The following SYNE1 variants were observed in gnomAD, a reference collection of about 807,000 sequenced individuals.
The protein encoded by SYNE1 is spectrin repeat containing nuclear envelope protein 1, also known as nesprin-1.
A neutral mutation model predicts 1,111.0 loss-of-function variants in SYNE1; 616 were observed. That is an observed-to-expected ratio of 0.55 (90% confidence interval 0.52 to 0.59). SYNE1 has a LOEUF of 0.59. Among genes scored for constraint, SYNE1 ranks in the 20% least tolerant of loss-of-function variants. The probability of loss-of-function intolerance (pLI) is 0.00; values close to 1 mark genes in which losing one functional copy is unlikely to be tolerated. For missense variants in SYNE1, 10,006 were observed against 10,417.0 expected (o/e 0.96, Z 1.72); for synonymous variants, 3,855 against 3,825.8 (o/e 1.01, Z -0.28).
At chr6:152,351,196 T>C (rs749196749) in intron 70 of SYNE1, among the ~76,000 whole-genome samples, 2 of 152,236 alleles carry the variant, frequency 1.3e-5, no homozygotes, top group Non-Finnish European at 2.9e-5. Flanking sequence ...CTTGCTGAGA[T>C]AGGCTAAAGG....
intron 11 of SYNE1, among the ~76,000 whole-genome samples, chr6:152,491,396 G>C (rs1203685942): frequency 6.6e-6 from 1 of 152,096 alleles, no homozygotes; most frequent in Non-Finnish European, 1.5e-5. Flanking sequence ...CCCCTTCTCT[G>C]TGTCTCTACC....
Position 152,268,101 on chromosome 6 carries a change from T to C in SYNE1, c.18770A>G (p.Glu6257Gly), listed in dbSNP as rs762064772. Residue 6257 changes from glutamate (E) to glycine (G), a missense_variant, in exon 100 of 146, where the codon GAG becomes GGG. Around this residue, in one of 7 missense-constraint regions of SYNE1, gnomAD observed 2,182 missense variants for 2,287.8 expected, o/e 0.95. Coordinates refer to ENST00000367255, the MANE Select transcript of SYNE1 (RefSeq NM_182961.4). Reference protein sequence around the residue: ...LLRSVASRGEEILIQHSAAET... With the variant: ...LLRSVASRGEGILIQHSAAET... ...TGCCGCCGAATGTTGAATTAGAATC[T>C]CCTCTCCACGACTGGCTACTGAGCG... is the stretch of plus-strand genomic sequence containing the variant. 1.2e-6 allele frequency: 2 copies of C among 1,614,084 alleles called. No homozygotes were observed. Among genetic ancestry groups the C allele is most frequent in the South Asian group, 1.1e-5 (1 of 91,076 alleles).
Position 152,330,030 on chromosome 6 carries a change from C to G in SYNE1, c.14655G>C (p.Gln4885His). 5 of 1,614,210 alleles carry G rather than the reference C, an allele frequency of 3.1e-6. No homozygotes were observed. Among genetic ancestry groups the G allele is most frequent in the Non-Finnish European group, 4.2e-6 (5 of 1,180,046 alleles). The change falls in exon 78 of 146, where the codon CAG becomes CAC. Residue 4885 changes from glutamine (Q) to histidine (H), a missense_variant. By Grantham distance (24) the Gln-to-His change is conservative. Coordinates refer to ENST00000367255, the MANE Select transcript of SYNE1 (RefSeq NM_182961.4). ...TVTECESRMV[Q>H]SIDFQTEMSR... is the part of the protein sequence containing the mutation. ...TCATCTCAGTCTGGAAGTCTATACTCTGCACCATTCGGCTCTCACATTCTG... is the reference window on the plus strand; with the variant it reads ...TCATCTCAGTCTGGAAGTCTATACTGTGCACCATTCGGCTCTCACATTCTG...
chr6:152,195,850 C>T (rs936538880), intron 127 of SYNE1, among the ~76,000 whole-genome samples: 18 of 109,916 alleles, frequency 1.6e-4, no homozygotes, highest in Admixed American at 4.0e-4. Flanking sequence ...CTAGGCCATA[C>T]AGGCTTGTGT....
chr6:152,408,792 A>G (rs1233325737), intron 44 of SYNE1, among the ~76,000 whole-genome samples: 2 of 152,154 alleles, frequency 1.3e-5, no homozygotes, highest in African/African-American at 4.8e-5. Context: ...CGTCTCTACT[A>G]AAAACACAAA....
intron 128 of SYNE1, among the ~76,000 whole-genome samples, chr6:152,187,227 A>T (rs545494907): frequency 1.1e-3 from 167 of 152,294 alleles, no homozygotes; most frequent in African/African-American, 3.9e-3. Flanking sequence ...CACATCTACC[A>T]TGTGTGCTCC....
intron 80 of SYNE1, 27 bp downstream of exon 80, chr6:152,325,931 T>A: frequency 6.2e-7 from 1 of 1,613,660 alleles, no homozygotes; most frequent in Non-Finnish European, 8.5e-7. Flanking sequence ...GAAAAAGGAT[T>A]TTTTTTAAAT....
At chr6:152,233,666 G>T (rs1307410258) in intron 112 of SYNE1, 115 bp downstream of exon 112, 18 of 1,284,582 alleles carry the variant, frequency 1.4e-5, no homozygotes, top group Admixed American at 1.9e-5. Flanking sequence ...GAGAGAAGAG[G>T]CCAGGTGTCT....
At chr6:152,451,524 C>T (rs2098650357) in intron 25 of SYNE1, among the ~76,000 whole-genome samples, 1 of 143,830 alleles carries the variant, frequency 7.0e-6, no homozygotes, top group African/African-American at 2.6e-5. Flanking sequence ...GCTCTGTCGC[C>T]CAGGGTGGAG....
In SYNE1 at chr6:152,465,468, A is replaced by T; in HGVS notation, c.1730-8T>A. On this transcript the variant is annotated splice_region_variant and splice_polypyrimidine_tract_variant and intron_variant, in intron 17 of 145. Transcript: ENST00000367255. Reference sequence around the variant, plus strand: ...CATTCTCAGCTTCTTCCACTGAAACAGATAAAACCAATTATAACCCTTATC... The same window carrying T: ...CATTCTCAGCTTCTTCCACTGAAACTGATAAAACCAATTATAACCCTTATC... 1 of 1,611,416 alleles carries T rather than the reference A, an allele frequency of 6.2e-7. No individual in the cohort carries two copies. Among genetic ancestry groups the T allele is most frequent in the Non-Finnish European group, 8.5e-7 (1 of 1,178,696 alleles).
chr6:152,463,588 A>T lies in SYNE1; in HGVS notation c.1933-71T>A, dbSNP rs982812178. On this transcript the variant is annotated intron_variant, in intron 18 of 145. Transcript: ENST00000367255. Reference sequence around the variant, plus strand: ...TCAGTGACTGATATGAAAGTGACTAAAGTAGGAAAAATATTTTTGTTTTAA... The same window carrying T: ...TCAGTGACTGATATGAAAGTGACTATAGTAGGAAAAATATTTTTGTTTTAA... 3 of 1,245,684 alleles carry T rather than the reference A, an allele frequency of 2.4e-6. No homozygotes were observed. The African/African-American group carries it at 4.5e-5, about 19-fold the overall frequency. The allele number at this position is 1,245,684 out of a possible 1,614,324, so 77.2% of individuals were successfully genotyped here.
chr6:152,162,504 A>T (rs1055849707), intron 131 of SYNE1, among the ~76,000 whole-genome samples: 3 of 151,992 alleles, frequency 2.0e-5, no homozygotes, highest in African/African-American at 7.2e-5. Flanking sequence ...AAATTACGAT[A>T]CCCGCCATTT....
chr6:152,176,203 T>A (rs900888141), intron 130 of SYNE1, among the ~76,000 whole-genome samples, 191 bp downstream of exon 130: 3 of 152,132 alleles, frequency 2.0e-5, no homozygotes, highest in Non-Finnish European at 4.4e-5. Flanking sequence ...ACATGAGATT[T>A]ATAAAGTAAG....
intron 76 of SYNE1, chr6:152,336,025 T>A (rs2096380624): frequency 6.6e-6 from 1 of 151,412 alleles, no homozygotes; most frequent in African/African-American, 2.4e-5. Context: ...AAATTATATA[T>A]AAATATGTAA....
chr6:152,229,966 T>C (rs2082389210), intron 115 of SYNE1, among the ~76,000 whole-genome samples: 1 of 152,172 alleles, frequency 6.6e-6, no homozygotes, highest in African/African-American at 2.4e-5. Context: ...ATATTGTATG[T>C]AAGAATAAAG....
chr6:152,321,404 C>T lies in SYNE1; in HGVS notation c.16084-14G>A, dbSNP rs372051077. On this transcript the variant is annotated splice_polypyrimidine_tract_variant and intron_variant, in intron 83 of 145. Transcript: ENST00000367255. ...TGTTAGGAGAATCTGAAGAAAAGAT[C>T]AAAATAAGAAATTTCTGGGAACCTT... 2.8e-5 allele frequency: 45 copies of T among 1,612,742 alleles called. No individual in the cohort carries two copies. In the African/African-American group the frequency reaches 5.9e-4, roughly 21 times the overall value.
At chr6:152,125,453 A>AT in intron 145 of SYNE1, 1 of 1,383,200 alleles carries the variant, frequency 7.2e-7, no homozygotes, top group Non-Finnish European at 9.6e-7. Flanking sequence ...GGGCAAGTAA[A>AT]TTAGTCTCTC....
chr6:152,374,365 C>T (rs939050644), intron 58 of SYNE1, among the ~76,000 whole-genome samples: 1 of 152,162 alleles, frequency 6.6e-6, no homozygotes, highest in Non-Finnish European at 1.5e-5. Flanking sequence ...GATATTTTGT[C>T]ATAGATTTTG....
chr6:152,281,729 T>C, intron 97 of SYNE1, 78 bp downstream of exon 97: 1 of 1,522,370 alleles, frequency 6.6e-7, no homozygotes, highest in Non-Finnish European at 9.1e-7. Flanking sequence ...ACACCAAGCC[T>C]TTTTATAGTA....
Sources: gnomAD v4.1 joint callset for allele counts (sites outside exome capture counted in the v4.1 genomes callset) on GRCh38, gnomAD v4.1.1 for gene constraint, gnomAD v4.1.1 regional missense constraint, MANE v1.5 for transcripts, NCBI Gene and HGNC (gene_info 2026-07-23, HGNC 2026-07-21) for gene names.